MEOX2: variants seen among roughly 807,000 people sequenced by gnomAD.
MEOX2 encodes the protein homeobox protein MOX-2.
Under a neutral mutation model 27.0 loss-of-function variants are expected in MEOX2, and 11 were observed. The ratio of observed to expected loss-of-function variants is 0.41; its 90% CI spans 0.26 to 0.68. The LOEUF (loss-of-function observed/expected upper bound fraction) is 0.68, where lower values mean the gene tolerates loss of function less well. MEOX2 is among the 30% of genes least tolerant of loss of function. MEOX2 has a pLI of 0.33. For missense variants in MEOX2, 436 were observed against 385.4 expected, an observed-to-expected ratio of 1.13 and a Z score of -1.10; for synonymous variants, 189 against 155.4, an observed-to-expected ratio of 1.22 and a Z score of -1.61.
At chr7:15,676,394 GC>G (rs1782192405) in intron 1 of MEOX2, among the ~76,000 whole-genome samples, 1 of 152,040 alleles carries the variant, frequency 6.6e-6, no homozygotes, top group Admixed American at 6.6e-5. Flanking sequence ...AAATAACAGA[GC>G]AACAATAAGA....
chr7:15,655,009 C>A (rs942937259), intron 1 of MEOX2, among the ~76,000 whole-genome samples: 2 of 151,480 alleles, frequency 1.3e-5, no homozygotes, highest in East Asian at 3.9e-4. Context: ...ATCATATGGG[C>A]CTGTATATAT....
At chr7:15,659,969 A>G (rs1781885745) in intron 1 of MEOX2, among the ~76,000 whole-genome samples, 1 of 152,170 alleles carries the variant, frequency 6.6e-6, no homozygotes, top group African/African-American at 2.4e-5. Flanking sequence ...TAGGAGACAG[A>G]AGTTAATAAA....
chr7:15,649,815 G>C (rs1278306645), intron 1 of MEOX2, among the ~76,000 whole-genome samples: 2 of 152,084 alleles, frequency 1.3e-5, no homozygotes, highest in East Asian at 3.9e-4. Context: ...GGGCTGAGTA[G>C]ATCAGGACAC....
At chr7:15,657,543 TTA>T (rs986319255) in intron 1 of MEOX2, among the ~76,000 whole-genome samples, 1 of 152,198 alleles carries the variant, frequency 6.6e-6, no homozygotes, top group African/African-American at 2.4e-5. Flanking sequence ...TGGTTCTCCT[TTA>T]TGTCTTCTAG....
Position 15,678,306 on chromosome 7 carries a change from A to G in MEOX2, c.517+7580T>C, listed in dbSNP as rs142414619. ...TTAAATAAGACATCACTTGATTCCA[A>G]CCTATGCAGTGAGTGCTAAAGCATT... On this transcript the variant is annotated intron_variant, in intron 1 of 2. Transcript: ENST00000262041. Among the ~76,000 whole-genome samples the G allele has an allele frequency of 3.7e-3, 565 of 152,328 alleles. 3 individuals are homozygous for G. The highest frequency in any genetic ancestry group is 0.013 in the African/African-American group (541 of 41,588).
At chr7:15,668,568 G>A in intron 1 of MEOX2, among the ~76,000 whole-genome samples, 1 of 151,966 alleles carries the variant, frequency 6.6e-6, no homozygotes, top group South Asian at 2.1e-4. Flanking sequence ...TGCAACATCC[G>A]CCTCCTGGGT....
chr7:15,632,993 A>C (rs1015884328), intron 1 of MEOX2, among the ~76,000 whole-genome samples: 4 of 151,950 alleles, frequency 2.6e-5, no homozygotes, highest in African/African-American at 4.8e-5. Flanking sequence ...TTTTTGACAT[A>C]AAGCATTCCA....
At chr7:15,683,211 G>T (rs3801430) in intron 1 of MEOX2, among the ~76,000 whole-genome samples, 1 of 151,612 alleles carries the variant, frequency 6.6e-6, no homozygotes, top group Admixed American at 6.6e-5. Context: ...AATTTAACAC[G>T]GTAATTAGAA....
chr7:15,625,587 T>C (rs1457961002), intron 2 of MEOX2, among the ~76,000 whole-genome samples: 1 of 152,186 alleles, frequency 6.6e-6, no homozygotes, highest in Non-Finnish European at 1.5e-5. Context: ...CACACCCTGT[T>C]GATATTTCTT....
intron 1 of MEOX2, among the ~76,000 whole-genome samples, chr7:15,628,215 C>G (rs1041141936): frequency 7.2e-5 from 11 of 151,786 alleles, no homozygotes; most frequent in African/African-American, 2.7e-4. Context: ...TTTTAGTGTT[C>G]TATTTCTTTC....
chr7:15,638,890 C>T (rs1188106319), intron 1 of MEOX2, among the ~76,000 whole-genome samples: 1 of 152,068 alleles, frequency 6.6e-6, no homozygotes, highest in South Asian at 2.1e-4. Context: ...TGTTGATGGA[C>T]ATTTAGGTTG....
At chr7:15,619,528 G>A (rs1781182757) in intron 2 of MEOX2, among the ~76,000 whole-genome samples, 1 of 151,934 alleles carries the variant, frequency 6.6e-6, no homozygotes, top group South Asian at 2.1e-4. Context: ...AACGTTTACA[G>A]CAAGAATCAG....
intron 1 of MEOX2, among the ~76,000 whole-genome samples, chr7:15,643,266 A>G (rs960258628): frequency 3.9e-5 from 6 of 152,054 alleles, no homozygotes; most frequent in African/African-American, 1.4e-4. Flanking sequence ...GTCCCTGGTG[A>G]AGGGTGGGGC....
At chr7:15,673,597 CA>C (rs35223717) in intron 1 of MEOX2, among the ~76,000 whole-genome samples, 16,254 of 75,764 alleles carry the variant, frequency 0.21, 912 homozygotes, top group East Asian at 0.29. Flanking sequence ...ACAAGTCTAT[CA>C]AAAAAAAAAA....
At chr7:15,646,031 T>C (rs983378319) in intron 1 of MEOX2, among the ~76,000 whole-genome samples, 2 of 152,106 alleles carry the variant, frequency 1.3e-5, no homozygotes, top group East Asian at 3.9e-4. Context: ...TGTAAGTTAG[T>C]AGCCACACAA....
chr7:15,645,963 A>G lies in MEOX2; in HGVS notation c.518-19045T>C, dbSNP rs545065328. Among the ~76,000 whole-genome samples the G allele has an allele frequency of 2.8e-4, 42 of 152,236 alleles. No homozygotes were observed. The South Asian group carries it at 7.5e-3, about 27-fold the overall frequency. Reference sequence around the variant, plus strand: ...CTCTTTAAGTACAGGATCAAAGGAAATCTTTCATAAGTAGATGCCTAATAC... The same window carrying G: ...CTCTTTAAGTACAGGATCAAAGGAAGTCTTTCATAAGTAGATGCCTAATAC... On this transcript the variant is annotated intron_variant, in intron 1 of 2. Transcript: ENST00000262041.
At chr7:15,645,167 A>AT (rs1357091693) in intron 1 of MEOX2, among the ~76,000 whole-genome samples, 4 of 152,166 alleles carry the variant, frequency 2.6e-5, no homozygotes, top group Non-Finnish European at 5.9e-5. Flanking sequence ...AACTGATAAT[A>AT]TTTTTCTGAT....
At chr7:15,666,751 CAAAAAAAAAAAAA>C (rs61294753) in intron 1 of MEOX2, among the ~76,000 whole-genome samples, 23 of 63,066 alleles carry the variant, frequency 3.6e-4, no homozygotes, top group African/African-American at 1.8e-3. Context: ...GACTCTGTCT[CAAAAAAAAAAAAA>C]AAAAAAAAAA....
At chr7:15,637,063 A>G (rs890506213) in intron 1 of MEOX2, among the ~76,000 whole-genome samples, 1 of 152,100 alleles carries the variant, frequency 6.6e-6, no homozygotes. Flanking sequence ...GATATTTTAG[A>G]GACTAACTTT....
Sources: gnomAD v4.1 joint callset for allele counts (sites outside exome capture counted in the v4.1 genomes callset) on GRCh38, gnomAD v4.1.1 for gene constraint, MANE v1.5 for transcripts, NCBI Gene and HGNC (gene_info 2026-07-23, HGNC 2026-07-21) for gene names.